The following CACNA1C variants were observed in gnomAD, a reference collection of about 807,000 sequenced individuals.
CACNA1C encodes calcium voltage-gated channel subunit alpha1 C.
CACNA1C carries 30 observed loss-of-function variants against 229.0 expected under a neutral mutation model. The observed-to-expected ratio is 0.13, with a 90% CI of 0.10 to 0.18. The LOEUF (loss-of-function observed/expected upper bound fraction) is 0.18. Ranked by LOEUF, CACNA1C falls within the 10% of genes least tolerant of loss-of-function variation. The pLI is 1.00. For synonymous variants in CACNA1C, 1,114 were observed against 1,132.5 expected, an observed-to-expected ratio of 0.98 and a Z score of 0.33; for missense variants, 1,658 against 2,845.0, an observed-to-expected ratio of 0.58 and a Z score of 9.49.
intron 3 of CACNA1C, among the ~76,000 whole-genome samples, chr12:2,415,823 C>T (rs551931093): frequency 1.3e-5 from 2 of 152,304 alleles, no homozygotes; most frequent in Non-Finnish European, 2.9e-5. Context: ...CTTTGCCTAC[C>T]TTTCTCTCCT....
intron 3 of CACNA1C, among the ~76,000 whole-genome samples, chr12:2,255,611 A>T (rs954577825): frequency 6.6e-6 from 1 of 152,230 alleles, no homozygotes; most frequent in African/African-American, 2.4e-5. Flanking sequence ...AGTGTGTGAC[A>T]GTAAGCTGGT....
chr12:2,146,068 A>AT (rs779878417), intron 3 of CACNA1C, among the ~76,000 whole-genome samples: 1 of 151,038 alleles, frequency 6.6e-6, no homozygotes, highest in African/African-American at 2.4e-5. Flanking sequence ...AGTTATTGTT[A>AT]TTTTTATTAT....
intron 7 of CACNA1C, among the ~76,000 whole-genome samples, chr12:2,501,209 C>CAAA (rs59324696): frequency 0.012 from 372 of 31,344 alleles, 64 homozygotes; most frequent in African/African-American, 0.049. Flanking sequence ...GACTCCACCT[C>CAAA]AAAAAAAAAA....
intron 29 of CACNA1C, among the ~76,000 whole-genome samples, chr12:2,619,268 T>A (rs115723788): frequency 0.025 from 3,767 of 152,226 alleles, 91 homozygotes; most frequent in African/African-American, 0.054. Flanking sequence ...CTGAGTGAGG[T>A]CATATCTACA....
chr12:2,053,828 C>T lies in CACNA1C; in HGVS notation c.49+217C>T, dbSNP rs1299889691. On this transcript the variant is annotated intron_variant, in intron 1 of 46. Coordinates refer to ENST00000399655, the MANE Select transcript of CACNA1C (RefSeq NM_000719.7). This position sits in a 1 kb window ranked among gnomAD's most constrained non-coding sequence, Gnocchi z 5.8. The stretch of plus-strand genomic sequence containing the variant: ...CGGAGCGGAAAATTCCCGCCCCTCC[C>T]CCTCCGGGCCCCAGCTTCTCCAGAG... 6.7e-6 allele frequency among the ~76,000 whole-genome samples: 1 copy of T among 150,370 alleles called. No individual in the cohort carries two copies. The highest frequency in any genetic ancestry group is 2.0e-4 in the East Asian group (1 of 5,056).
In CACNA1C at chr12:2,695,416, G is replaced by A. The variant is rs1012773608; in HGVS notation, c.*4217G>A. Reference sequence around the variant, plus strand: ...TCTGCCACCCTGTCCCCCCTCTGCTGATGTCCCTCCCCTCAGGCTGTCCAG... The same window carrying A: ...TCTGCCACCCTGTCCCCCCTCTGCTAATGTCCCTCCCCTCAGGCTGTCCAG... On this transcript the variant is annotated 3_prime_UTR_variant, in exon 47 of 47. Transcript: ENST00000399655. The A allele has an allele frequency of 6.6e-6, 1 of 152,334 alleles. No individual in the cohort carries two copies. The highest frequency in any genetic ancestry group is 1.5e-5 in the Non-Finnish European group (1 of 68,122). 9.4% of individuals were successfully genotyped at this position (152,334 alleles called of 1,614,324 possible). A position where few individuals can be genotyped will look rare whatever the true frequency, so the allele number is the denominator to read the frequency against.
chr12:2,544,581 A>G (rs1156401473), intron 9 of CACNA1C, among the ~76,000 whole-genome samples: 2 of 152,230 alleles, frequency 1.3e-5, no homozygotes, highest in African/African-American at 4.8e-5. Context: ...TTATTAATCA[A>G]AAGAGGAACC....
At chr12:2,210,252 C>T (rs897226288) in intron 3 of CACNA1C, among the ~76,000 whole-genome samples, 4 of 152,192 alleles carry the variant, frequency 2.6e-5, no homozygotes, top group African/African-American at 9.7e-5. Context: ...TATGTTTCAA[C>T]AGTTTCATTA....
At chr12:2,452,537 GAGCAGTC>G (rs1419699709) in intron 4 of CACNA1C, among the ~76,000 whole-genome samples, 26 of 152,156 alleles carry the variant, frequency 1.7e-4, no homozygotes, top group Admixed American at 1.7e-3. Flanking sequence ...ACAGCTCCCA[GAGCAGTC>G]CTTCGGCCAG....
intron 1 of CACNA1C, among the ~76,000 whole-genome samples, chr12:2,077,896 A>G (rs957004196): frequency 6.6e-6 from 1 of 152,256 alleles, no homozygotes; most frequent in Admixed American, 6.5e-5. Flanking sequence ...ACCTGAATTC[A>G]TACTACTTGC....
intron 4 of CACNA1C, among the ~76,000 whole-genome samples, chr12:2,454,421 C>G (rs2099403677): frequency 6.6e-6 from 1 of 152,194 alleles, no homozygotes; most frequent in African/African-American, 2.4e-5. Flanking sequence ...CCCTGACTCC[C>G]ACGATCCCTT....
At position 2,410,186 on chromosome 12, in the gene CACNA1C, C is replaced by T. The variant is rs1163980018; in HGVS notation, c.478-38790C>T. On this transcript the variant is annotated intron_variant, in intron 3 of 46. Coordinates refer to ENST00000399655, the MANE Select transcript of CACNA1C (RefSeq NM_000719.7). This position sits in a 1 kb window ranked among gnomAD's most constrained non-coding sequence, Gnocchi z 5.3. ...TCCAATCTGCCAGAGGGACAGGGTC[C>T]TTCCCCGCAGCACTGAGGCTTGGCC... Among the ~76,000 whole-genome samples the T allele has an allele frequency of 6.6e-6, 1 of 152,202 alleles. No homozygotes were observed. Among genetic ancestry groups the T allele is most frequent in the Non-Finnish European group, 1.5e-5 (1 of 68,034 alleles).
rs201852561 is a variant in CACNA1C at position 2,044,223 on chromosome 12, T to G, written c.140-71001T>G. Among the ~76,000 whole-genome samples the G allele has an allele frequency of 1.1e-4, 16 of 152,350 alleles. No homozygotes were observed. In the East Asian group the frequency reaches 2.7e-3, roughly 26 times the overall value. On this transcript the variant is annotated intron_variant, in intron 1 of 46. Coordinates refer to the CACNA1C transcript ENST00000682462. ...GTATGACTTTGACTGAAGGAAGACC[T>G]ATCTAGCTGGCAGAGGTACTTCAGC...
intron 9 of CACNA1C, among the ~76,000 whole-genome samples, chr12:2,529,478 A>G (rs1281166957): frequency 6.6e-6 from 1 of 152,230 alleles, no homozygotes; most frequent in Non-Finnish European, 1.5e-5. Flanking sequence ...TGCATAGGCA[A>G]TCAATGAATA....
chr12:2,255,130 G>A (rs1033652174), intron 3 of CACNA1C, among the ~76,000 whole-genome samples: 1 of 152,140 alleles, frequency 6.6e-6, no homozygotes, highest in Non-Finnish European at 1.5e-5. Flanking sequence ...CCTGCTGTGT[G>A]ACCTTGGGCA....
intron 42 of CACNA1C, chr12:2,680,597 C>T (rs1175338943): frequency 6.5e-7 from 1 of 1,543,000 alleles, no homozygotes; most frequent in East Asian, 2.4e-5. Context: ...GCTCGCCCTC[C>T]AGCTCAGAAA....
intron 46 of CACNA1C, 89 bp from the exon 47 acceptor site, chr12:2,690,811 T>TACCCCCTCGCTCTAGCCC (rs1307968050): frequency 7.7e-7 from 1 of 1,305,736 alleles, no homozygotes; most frequent in Non-Finnish European, 1.0e-6. Context: ...ACCTACCAGA[T>TACCCCCTCGCTCTAGCCC]ACCCCCTCGC....
At chr12:2,515,872 T>C (rs576560054) in intron 9 of CACNA1C, among the ~76,000 whole-genome samples, 1 of 152,320 alleles carries the variant, frequency 6.6e-6, no homozygotes, top group African/African-American at 2.4e-5. Context: ...TACAAAAATA[T>C]GTTCCAGTTC....
intron 3 of CACNA1C, among the ~76,000 whole-genome samples, chr12:2,355,749 G>A (rs992712582): frequency 3.9e-5 from 6 of 152,162 alleles, no homozygotes; most frequent in African/African-American, 1.4e-4. Flanking sequence ...AGACAGATTT[G>A]GTTTTCACAA....
Sources: allele counts gnomAD v4.1 joint callset (sites outside exome capture counted in the v4.1 genomes callset), GRCh38; gene constraint gnomAD v4.1.1; non-coding constraint Gnocchi (gnomAD v3.1); transcripts MANE v1.5; gene names NCBI Gene and HGNC (gene_info 2026-07-23, HGNC 2026-07-21).